SCAMP1: variants seen among roughly 807,000 people sequenced by gnomAD.
The protein encoded by SCAMP1 is secretory carrier-associated membrane protein 1.
SCAMP1 carries 15 observed loss-of-function variants against 41.8 expected under a neutral mutation model. That is an observed-to-expected ratio of 0.36 (90% confidence interval 0.24 to 0.55). SCAMP1 has a LOEUF of 0.55. Ranked by LOEUF, SCAMP1 falls within the 20% of genes least tolerant of loss-of-function variation. The pLI is 0.86. For missense variants in SCAMP1, 341 were observed against 412.6 expected (o/e 0.83, Z 1.50); for synonymous variants, 135 against 136.8 (o/e 0.99, Z 0.09).
At chr5:78,386,211 C>T (rs539389456) in intron 1 of SCAMP1, among the ~76,000 whole-genome samples, 1 of 151,954 alleles carries the variant, frequency 6.6e-6, no homozygotes, top group East Asian at 1.9e-4. Flanking sequence ...TATGATGTCC[C>T]TCTTTGTCTT....
rs1219523233 is a variant in SCAMP1 at position 78,479,965 on chromosome 5, G to A, written c.*4297G>A. Reference sequence around the variant, plus strand: ...GGAGGCTGAGGCAGGAGAATGACGTGAACCTGGGAGGCGGAGCTTGCAGTG... The same window carrying A: ...GGAGGCTGAGGCAGGAGAATGACGTAAACCTGGGAGGCGGAGCTTGCAGTG... On this transcript the variant is annotated 3_prime_UTR_variant, in exon 9 of 9. Transcript: ENST00000621999. Among the ~76,000 whole-genome samples the A allele has an allele frequency of 6.6e-6, 1 of 151,896 alleles. No homozygotes were observed. Among genetic ancestry groups the A allele is most frequent in the Non-Finnish European group, 1.5e-5 (1 of 68,008 alleles).
chr5:78,476,696 G>A lies in SCAMP1; in HGVS notation c.*1028G>A, dbSNP rs948846290. The stretch of plus-strand genomic sequence containing the variant: ...TTCCTTTTAGCTTTTCATCTCCAGT[G>A]GCATTAAACATAAAAAGACCCTGGC... On this transcript the variant is annotated 3_prime_UTR_variant, in exon 9 of 9. Coordinates refer to ENST00000621999, the MANE Select transcript of SCAMP1 (RefSeq NM_004866.6). 1 of 152,258 alleles carries A rather than the reference G, an allele frequency of 6.6e-6. No individual in the cohort carries two copies. Among genetic ancestry groups the A allele is most frequent in the Admixed American group, 6.6e-5 (1 of 15,240 alleles). 9.4% of individuals were successfully genotyped at this position (152,258 alleles called of 1,614,324 possible).
chr5:78,468,147 G>A (rs1413872728), intron 8 of SCAMP1, among the ~76,000 whole-genome samples: 1 of 152,078 alleles, frequency 6.6e-6, no homozygotes, highest in African/African-American at 2.4e-5. Context: ...GGTCATCATT[G>A]GTGCTGCAGG....
intron 1 of SCAMP1, among the ~76,000 whole-genome samples, chr5:78,369,229 C>T (rs1185933001): frequency 6.6e-6 from 1 of 151,920 alleles, no homozygotes; most frequent in Non-Finnish European, 1.5e-5. Context: ...GCCTTAGCCT[C>T]CCGAGTAGCT....
intron 1 of SCAMP1, among the ~76,000 whole-genome samples, chr5:78,378,169 C>T (rs1751111833): frequency 6.6e-6 from 1 of 152,142 alleles, no homozygotes; most frequent in South Asian, 2.1e-4. Flanking sequence ...GTTTTGGATA[C>T]TAATCATGAA....
At position 78,421,832 on chromosome 5, in the gene SCAMP1, C is replaced by T. The variant is rs755353674; in HGVS notation, c.504C>T (p.Phe168=). 5 of 1,613,620 alleles carry T rather than the reference C, an allele frequency of 3.1e-6. No individual in the cohort carries two copies. Among genetic ancestry groups the T allele is most frequent in the South Asian group, 1.1e-5 (1 of 91,076 alleles). ...FHAVTLFLNI[F]GCLAWFCVDS... is the part of the protein sequence containing the mutation. ...CAGTAACACTGTTTCTAAATATCTTCGGATGCTTGGCTTGGTTTTGTGTTG... is the reference window on the plus strand; with the variant it reads ...CAGTAACACTGTTTCTAAATATCTTTGGATGCTTGGCTTGGTTTTGTGTTG... The change falls in exon 6 of 9, where the codon TTC becomes TTT. Residue 168 remains phenylalanine, a synonymous_variant. Transcript: ENST00000621999.
intron 1 of SCAMP1, among the ~76,000 whole-genome samples, chr5:78,367,517 G>A (rs1399877706): frequency 2.0e-5 from 3 of 152,184 alleles, no homozygotes; most frequent in African/African-American, 7.2e-5. Context: ...AATGGGCTTT[G>A]TGCATAGTAG....
At position 78,373,562 on chromosome 5, in the gene SCAMP1, A is replaced by G. The variant is rs1252130377; in HGVS notation, c.57+12834A>G. Among the ~76,000 whole-genome samples the G allele has an allele frequency of 5.9e-5, 9 of 152,254 alleles. No homozygotes were observed. In the South Asian group the frequency reaches 8.3e-4, roughly 14 times the overall value. On this transcript the variant is annotated intron_variant, in intron 1 of 8. Coordinates refer to ENST00000621999, the MANE Select transcript of SCAMP1 (RefSeq NM_004866.6). ...CATGTAAGACATGTTTATATTCTCT[A>G]AATGTTCAGTTCTTTGCCCTACTGA...
At position 78,478,933 on chromosome 5, in the gene SCAMP1, A is replaced by G. The variant is rs1754067735; in HGVS notation, c.*3265A>G. 6.6e-6 allele frequency: 1 copy of G among 152,160 alleles called. No homozygotes were observed. The highest frequency in any genetic ancestry group is 1.5e-5 in the Non-Finnish European group (1 of 67,996). The allele number at this position is 152,160 out of a possible 1,614,324, so 9.4% of individuals were successfully genotyped here. A position where few individuals can be genotyped will look rare whatever the true frequency, so the allele number is the denominator to read the frequency against. ...TCTGTAATTCATGTTAAGATTATGT[A>G]TGGTTTGCATTTTAAGGGGATTTAT... On this transcript the variant is annotated 3_prime_UTR_variant, in exon 9 of 9. Coordinates refer to ENST00000621999, the MANE Select transcript of SCAMP1 (RefSeq NM_004866.6).
intron 2 of SCAMP1, among the ~76,000 whole-genome samples, chr5:78,404,453 G>GTTTTTGT (rs552300393): frequency 1.0e-5 from 1 of 98,180 alleles, no homozygotes; most frequent in East Asian, 3.0e-4. Flanking sequence ...AGCCTTACAG[G>GTTTTTGT]TTTTTTTTTT....
intron 6 of SCAMP1, among the ~76,000 whole-genome samples, chr5:78,438,413 G>A (rs1561276469): frequency 6.6e-6 from 1 of 152,174 alleles, no homozygotes; most frequent in East Asian, 1.9e-4. Flanking sequence ...GGTACGTTGT[G>A]TCTTTGTTCT....
At chr5:78,462,779 A>C (rs1753648940) in intron 8 of SCAMP1, among the ~76,000 whole-genome samples, 1 of 152,142 alleles carries the variant, frequency 6.6e-6, no homozygotes, top group South Asian at 2.1e-4. Flanking sequence ...AAGGTAAATT[A>C]GTGTTTTTAT....
rs997224074 is a variant in SCAMP1, at chr5:78,480,115, CAT to C, written c.*4448_*4449del. On this transcript the variant is annotated 3_prime_UTR_variant, in exon 9 of 9. Coordinates refer to ENST00000621999, the MANE Select transcript of SCAMP1 (RefSeq NM_004866.6). ...AATGGCAAGGGAACATGGGAACTATCATGTGGCAATGTAGTGAGTGTTAAACT... is the reference window on the plus strand; with the variant it reads ...AATGGCAAGGGAACATGGGAACTATCGTGGCAATGTAGTGAGTGTTAAACT... 2.6e-5 allele frequency among the ~76,000 whole-genome samples: 4 copies of C among 152,016 alleles called. No individual in the cohort carries two copies. Among genetic ancestry groups the C allele is most frequent in the East Asian group, 1.9e-4 (1 of 5,196 alleles).
chr5:78,381,610 T>C (rs996766819), intron 1 of SCAMP1, among the ~76,000 whole-genome samples: 4 of 152,260 alleles, frequency 2.6e-5, no homozygotes, highest in Non-Finnish European at 5.9e-5. Flanking sequence ...CTTACACTTT[T>C]GGGTAAATTT....
chr5:78,460,786 T>TTCCTTCCTTCCTTTGGTTTCTTTTC (rs1753573537), intron 8 of SCAMP1, among the ~76,000 whole-genome samples: 2 of 46,468 alleles, frequency 4.3e-5, no homozygotes, highest in African/African-American at 2.8e-4. Flanking sequence ...CCTTCCTTCC[T>TTCCTTCCTTCCTTTGGTTTCTTTTC]TCCTTCCTTC....
intron 6 of SCAMP1, among the ~76,000 whole-genome samples, chr5:78,449,661 T>G (rs1230001186): frequency 2.0e-5 from 3 of 152,210 alleles, no homozygotes; most frequent in Admixed American, 6.5e-5. Context: ...AGTTTTTTTG[T>G]CAAGAGGGAT....
intron 1 of SCAMP1, among the ~76,000 whole-genome samples, chr5:78,375,561 A>G (rs1751046227): frequency 6.6e-6 from 1 of 152,134 alleles, no homozygotes; most frequent in Non-Finnish European, 1.5e-5. Flanking sequence ...TGATAGAACT[A>G]TAAATGTGCA....
chr5:78,372,470 A>T (rs892764624), intron 1 of SCAMP1, among the ~76,000 whole-genome samples: 3 of 152,118 alleles, frequency 2.0e-5, no homozygotes, highest in Non-Finnish European at 2.9e-5. Context: ...TTCATTTGTG[A>T]TATCAGGGAT....
chr5:78,410,984 T>A (rs1752061582), intron 2 of SCAMP1, among the ~76,000 whole-genome samples: 1 of 152,138 alleles, frequency 6.6e-6, no homozygotes, highest in Non-Finnish European at 1.5e-5. Flanking sequence ...TGCTTTTTAA[T>A]GGCATTTTTT....
Sources: gnomAD v4.1 joint callset for allele counts (sites outside exome capture counted in the v4.1 genomes callset) on GRCh38, gnomAD v4.1.1 for gene constraint, MANE v1.5 for transcripts, NCBI Gene and HGNC (gene_info 2026-07-23, HGNC 2026-07-21) for gene names.